Variants in PPP1R12A observed in about 807,000 individuals in gnomAD.
The protein encoded by PPP1R12A is myosin binding subunit.
Under a neutral mutation model 139.6 loss-of-function variants are expected in PPP1R12A, and 19 were observed. That is an observed-to-expected ratio of 0.14 (90% confidence interval 0.09 to 0.20). The LOEUF is 0.20. PPP1R12A is among the 10% of genes least tolerant of loss of function. The probability of loss-of-function intolerance (pLI) is 1.00; values close to 1 mark genes in which losing one functional copy is unlikely to be tolerated. For missense variants in PPP1R12A, 925 were observed against 1,211.5 expected (o/e 0.76, Z 3.51); for synonymous variants, 427 against 420.6 (o/e 1.02, Z -0.19).
intron 4 of PPP1R12A, 99 bp downstream of exon 4, chr12:79,832,233 T>C (rs555564580): frequency 3.4e-6 from 4 of 1,190,610 alleles, no homozygotes; most frequent in Admixed American, 5.4e-5. Context: ...AACTCTTTTA[T>C]GTTGCTTCAA....
intron 3 of PPP1R12A, among the ~76,000 whole-genome samples, chr12:79,843,348 G>C (rs1033611990): frequency 2.6e-5 from 4 of 152,006 alleles, no homozygotes; most frequent in African/African-American, 9.7e-5. Flanking sequence ...GGCCCAGGCA[G>C]GAGGATCACC....
At chr12:79,875,453 C>A (rs961532077) in intron 1 of PPP1R12A, among the ~76,000 whole-genome samples, 3 of 152,132 alleles carry the variant, frequency 2.0e-5, no homozygotes, top group African/African-American at 7.2e-5. Context: ...GGGCAAGTGG[C>A]CTCTTTTTTT....
chr12:79,933,976 G>C (rs1412087007), intron 1 of PPP1R12A, among the ~76,000 whole-genome samples: 1 of 151,406 alleles, frequency 6.6e-6, no homozygotes, highest in Non-Finnish European at 1.5e-5. Context: ...CTGACACTGC[G>C]GCAAACTTCG....
At chr12:79,776,630 CTG>C (rs1869760391) in intron 24 of PPP1R12A, among the ~76,000 whole-genome samples, 1 of 151,966 alleles carries the variant, frequency 6.6e-6, no homozygotes, top group African/African-American at 2.4e-5. Context: ...AGTAGAAAGT[CTG>C]TATCTATGAT....
chr12:79,839,414 G>A (rs1050586575), intron 3 of PPP1R12A, among the ~76,000 whole-genome samples: 15 of 152,138 alleles, frequency 9.9e-5, no homozygotes, highest in African/African-American at 3.6e-4. Context: ...TGCTGGGAAG[G>A]TATGATTGTG....
intron 1 of PPP1R12A, among the ~76,000 whole-genome samples, chr12:79,895,530 GCAATGTATAAAGCT>G (rs58539838): frequency 0.11 from 16,842 of 152,054 alleles, 1,758 homozygotes; most frequent in African/African-American, 0.27. Flanking sequence ...TTACAAAACA[GCAATGTATAAAGCT>G]CAATGGAATA....
At chr12:79,915,447 A>AT (rs898842033) in intron 1 of PPP1R12A, among the ~76,000 whole-genome samples, 134 of 150,570 alleles carry the variant, frequency 8.9e-4, no homozygotes, top group African/African-American at 1.6e-3. Context: ...TGCAGAATAG[A>AT]TTTTTTTTTT....
chr12:79,841,076 G>T (rs1159562757), intron 3 of PPP1R12A, among the ~76,000 whole-genome samples: 1 of 150,530 alleles, frequency 6.6e-6, no homozygotes, highest in Non-Finnish European at 1.5e-5. Flanking sequence ...AAAAGAGAGA[G>T]AGAGAGAGAC....
chr12:79,811,742 A>G (rs1187320339), intron 9 of PPP1R12A, among the ~76,000 whole-genome samples: 1 of 151,652 alleles, frequency 6.6e-6, no homozygotes, highest in South Asian at 2.1e-4. Flanking sequence ...ACTTTTTTTT[A>G]TTTTTTTTCT....
In PPP1R12A at chr12:79,809,882, T is replaced by C. The variant is rs762189609; in HGVS notation, c.1368A>G (p.Lys456=). The change falls in exon 10 of 25, where the codon AAA becomes AAG. Residue 456 remains lysine (K), a synonymous_variant. Coordinates refer to ENST00000450142, the MANE Select transcript of PPP1R12A (RefSeq NM_002480.3). ...CAGTATCTTTTTCTTTCTGACCCTC[T>C]TTAGATGCTGTGATTTCAGCAAGTG... ...YGALAEITAS[K]EGQKEKDTAG... The C allele has an allele frequency of 3.1e-6, 5 of 1,613,502 alleles. No individual in the cohort carries two copies. Among genetic ancestry groups the C allele is most frequent in the Non-Finnish European group, 4.2e-6 (5 of 1,179,714 alleles).
At chr12:79,931,056 A>G in intron 1 of PPP1R12A, among the ~76,000 whole-genome samples, 1 of 152,226 alleles carries the variant, frequency 6.6e-6, no homozygotes, top group East Asian at 1.9e-4. Flanking sequence ...ATTCCTGACG[A>G]TGTAAAATTG....
intron 9 of PPP1R12A, among the ~76,000 whole-genome samples, chr12:79,815,335 C>A (rs960326610): frequency 6.6e-6 from 1 of 151,782 alleles, no homozygotes; most frequent in Non-Finnish European, 1.5e-5. Flanking sequence ...TCGAGAATAC[C>A]CTAACATGGT....
At chr12:79,859,546 A>G (rs565526075) in intron 2 of PPP1R12A, among the ~76,000 whole-genome samples, 1 of 152,212 alleles carries the variant, frequency 6.6e-6, no homozygotes, top group African/African-American at 2.4e-5. Flanking sequence ...TTTCAAAGTT[A>G]TATCCTTAAA....
intron 2 of PPP1R12A, among the ~76,000 whole-genome samples, chr12:79,869,604 G>C (rs1022280143): frequency 3.9e-5 from 6 of 152,138 alleles, no homozygotes; most frequent in African/African-American, 1.2e-4. Flanking sequence ...AAACTATTAC[G>C]AAGAAAGGCA....
intron 2 of PPP1R12A, among the ~76,000 whole-genome samples, chr12:79,855,684 A>G (rs1880564251): frequency 6.6e-6 from 1 of 152,154 alleles, no homozygotes; most frequent in African/African-American, 2.4e-5. Flanking sequence ...CTCTATAACC[A>G]AACACAAAAT....
intron 1 of PPP1R12A, among the ~76,000 whole-genome samples, chr12:79,933,266 C>T (rs1050066828): frequency 3.3e-5 from 5 of 152,186 alleles, no homozygotes; most frequent in African/African-American, 1.2e-4. Context: ...TCAATATATC[C>T]AGTCAACTTT....
At chr12:79,850,812 TGGA>T (rs1291001430) in intron 2 of PPP1R12A, among the ~76,000 whole-genome samples, 2 of 152,122 alleles carry the variant, frequency 1.3e-5, no homozygotes. Flanking sequence ...TTTGAAAGTG[TGGA>T]GCACCTCCCT....
chr12:79,875,238 G>T (rs2137347938), intron 1 of PPP1R12A, among the ~76,000 whole-genome samples: 1 of 152,256 alleles, frequency 6.6e-6, no homozygotes, highest in East Asian at 1.9e-4. Flanking sequence ...TTCTGGAATT[G>T]GCACTATTCA....
chr12:79,788,861 T>C lies in PPP1R12A; in HGVS notation c.2667-78A>G, dbSNP rs1190115565. 5.5e-6 allele frequency: 7 copies of C among 1,264,784 alleles called. No individual in the cohort carries two copies. In the South Asian group the frequency reaches 1.2e-4, roughly 21 times the overall value. 78.3% of individuals were successfully genotyped at this position (1,264,784 alleles called of 1,614,324 possible). A position where few individuals can be genotyped will look rare whatever the true frequency, so the allele number is the denominator to read the frequency against. On this transcript the variant is annotated intron_variant, in intron 20 of 24. Coordinates refer to ENST00000450142, the MANE Select transcript of PPP1R12A (RefSeq NM_002480.3). ...AACAACATACATCCTAGTACACATA[T>C]AACTTGACAGTTCAAAAGAGTAGGT...
Sources: gnomAD v4.1 joint callset for allele counts (sites outside exome capture counted in the v4.1 genomes callset) on GRCh38, gnomAD v4.1.1 for gene constraint, MANE v1.5 for transcripts, NCBI Gene and HGNC (gene_info 2026-07-23, HGNC 2026-07-21) for gene names.